Variants in SLC71A2 observed in about 807,000 individuals in gnomAD.
SLC71A2 encodes the protein solute carrier family 71 member 2, also known as hippocampus abundant transcript-like 1.
the SLC71A2 span, among the ~76,000 whole-genome samples, chr9:94,383,365 G>A: frequency 3.3e-5 from 5 of 151,976 alleles, no homozygotes; most frequent in African/African-American, 1.2e-4. Context: ...GTTTTACCAT[G>A]TTGGCCAGGC....
chr9:94,399,295 G>T, the SLC71A2 span, among the ~76,000 whole-genome samples: 1 of 152,086 alleles, frequency 6.6e-6, no homozygotes, highest in South Asian at 2.1e-4. Flanking sequence ...TCTCCAAGGA[G>T]CCCTGGTTTC....
the SLC71A2 span, chr9:94,432,572 T>C: frequency 6.5e-6 from 1 of 153,988 alleles, no homozygotes; most frequent in Admixed American, 6.5e-5. Flanking sequence ...TTGGCAATTA[T>C]CAGTGGACGG....
the SLC71A2 span, chr9:94,415,299 A>G: frequency 1.7e-5 from 23 of 1,353,196 alleles, no homozygotes; most frequent in Non-Finnish European, 2.3e-5. Flanking sequence ...AGAAAGAGAT[A>G]AGTTCTTAGG....
the SLC71A2 span, among the ~76,000 whole-genome samples, chr9:94,416,486 G>A: frequency 6.6e-6 from 1 of 152,206 alleles, no homozygotes; most frequent in African/African-American, 2.4e-5. Context: ...TTAGAGGGTG[G>A]CTGTTAGCCC....
At chr9:94,454,684 A>G in the SLC71A2 span, among the ~76,000 whole-genome samples, 2 of 152,100 alleles carry the variant, frequency 1.3e-5, no homozygotes, top group Non-Finnish European at 2.9e-5. Flanking sequence ...ATTTTTAGAG[A>G]CATTGAATAT....
chr9:94,383,628 A>G, the SLC71A2 span, among the ~76,000 whole-genome samples: 1 of 152,176 alleles, frequency 6.6e-6, no homozygotes, highest in African/African-American at 2.4e-5. Context: ...GTTATTTTTT[A>G]AAGTCGTTTT....
chr9:94,442,388 T>C, the SLC71A2 span, among the ~76,000 whole-genome samples: 1 of 152,130 alleles, frequency 6.6e-6, no homozygotes, highest in Non-Finnish European at 1.5e-5. Context: ...CTGACTCTTC[T>C]ACCTTCCCTC....
At chr9:94,418,775 T>TTCC in the SLC71A2 span, among the ~76,000 whole-genome samples, 3 of 139,352 alleles carry the variant, frequency 2.2e-5, no homozygotes, top group Admixed American at 7.2e-5. Context: ...TTTTTTTTTT[T>TTCC]CACGAGTGGG....
chr9:94,378,354 G>A, the SLC71A2 span, among the ~76,000 whole-genome samples: 110 of 152,210 alleles, frequency 7.2e-4, 2 homozygotes, highest in South Asian at 0.022. Context: ...AGAGAGAGGG[G>A]AGGAGGTGCC....
At chr9:94,387,845 A>G in the SLC71A2 span, among the ~76,000 whole-genome samples, 1 of 152,202 alleles carries the variant, frequency 6.6e-6, no homozygotes. Flanking sequence ...CCCCTGCTCT[A>G]CATTGTCTAT....
At chr9:94,449,734 A>G in the SLC71A2 span, among the ~76,000 whole-genome samples, 58 of 152,368 alleles carry the variant, frequency 3.8e-4, no homozygotes, top group African/African-American at 1.3e-3. Context: ...ATATATACCC[A>G]TGAGACATGA....
chr9:94,379,677 C>A, the SLC71A2 span, among the ~76,000 whole-genome samples: 4 of 152,154 alleles, frequency 2.6e-5, no homozygotes, highest in Non-Finnish European at 5.9e-5. Context: ...AGGCATGAGC[C>A]ACCATGCCTG....
At chr9:94,415,166 C>T in the SLC71A2 span, 8 of 1,613,276 alleles carry the variant, frequency 5.0e-6, no homozygotes, top group Non-Finnish European at 5.9e-6. Context: ...AGCTACAAGG[C>T]TTTGGCCGAC....
the SLC71A2 span, among the ~76,000 whole-genome samples, chr9:94,419,195 C>T: frequency 6.6e-6 from 1 of 151,894 alleles, no homozygotes; most frequent in African/African-American, 2.4e-5. Context: ...CTCACTGCAA[C>T]CTCAAACTTC....
At chr9:94,460,553 AC>A in the SLC71A2 span, 3 of 152,626 alleles carry the variant, frequency 2.0e-5, no homozygotes, top group Non-Finnish European at 1.5e-5. Flanking sequence ...GACAAAGAAA[AC>A]TTTACAGATT....
chr9:94,449,451 AGAG>A, the SLC71A2 span, among the ~76,000 whole-genome samples: 1 of 152,246 alleles, frequency 6.6e-6, no homozygotes, highest in Non-Finnish European at 1.5e-5. Flanking sequence ...AGGATTTTGC[AGAG>A]AAGATCTACA....
At chr9:94,439,144 C>T in the SLC71A2 span, among the ~76,000 whole-genome samples, 2 of 151,124 alleles carry the variant, frequency 1.3e-5, no homozygotes, top group Non-Finnish European at 2.9e-5. Flanking sequence ...GCCTCAGCCT[C>T]CTGAGTAGCT....
At chr9:94,431,109 G>A in the SLC71A2 span, among the ~76,000 whole-genome samples, 80 of 152,180 alleles carry the variant, frequency 5.3e-4, no homozygotes, top group African/African-American at 1.9e-3. Flanking sequence ...TCAGGAGATC[G>A]AGACCATCCT....
the SLC71A2 span, among the ~76,000 whole-genome samples, chr9:94,408,390 T>C: frequency 3.9e-5 from 6 of 152,192 alleles, no homozygotes; most frequent in Non-Finnish European, 8.8e-5. Context: ...GTATCCTCCT[T>C]GGATAAGGGG....
Sources: allele counts gnomAD v4.1 joint callset (sites outside exome capture counted in the v4.1 genomes callset), GRCh38; gene constraint gnomAD v4.1.1; transcripts MANE v1.5; gene names NCBI Gene and HGNC (gene_info 2026-07-23, HGNC 2026-07-21).